RBFOX1: variants seen among roughly 807,000 people sequenced by gnomAD.
RBFOX1 encodes the protein RNA binding fox-1 homolog 1, also known as RNA binding protein fox-1 homolog 1.
In RBFOX1, 8 loss-of-function variants were observed where a neutral mutation model predicts 57.7. That is an observed-to-expected ratio of 0.14 (90% CI 0.08 to 0.25). The LOEUF is 0.25. Ranked by LOEUF, RBFOX1 falls within the 10% of genes least tolerant of loss-of-function variation. RBFOX1 has a pLI of 1.00. For missense variants in RBFOX1, 611 were observed against 548.5 expected, an observed-to-expected ratio of 1.11 and a Z score of -1.14; for synonymous variants, 326 against 222.4, an observed-to-expected ratio of 1.47 and a Z score of -4.15.
chr16:7,157,808 T>TG (rs955704750), intron 4 of RBFOX1, among the ~76,000 whole-genome samples: 2 of 152,192 alleles, frequency 1.3e-5, no homozygotes, highest in African/African-American at 4.8e-5. Context: ...GTTTTCCCTT[T>TG]GGTTTTAAAG....
chr16:5,970,624 G>C (rs1375956625), intron 4 of RBFOX1, among the ~76,000 whole-genome samples: 1 of 152,156 alleles, frequency 6.6e-6, no homozygotes, highest in African/African-American at 2.4e-5. Context: ...GGCCGACCAA[G>C]TCAAATTAGC....
In RBFOX1 at chr16:7,440,763, A is replaced by G. The variant is rs373977866; in HGVS notation, c.28-77384A>G. 2.8e-3 allele frequency among the ~76,000 whole-genome samples: 425 copies of G among 152,260 alleles called. 3 individuals carry two copies. Among genetic ancestry groups the G allele is most frequent in the African/African-American group, 9.8e-3 (409 of 41,568 alleles). On this transcript the variant is annotated intron_variant, in intron 4 of 15. Coordinates refer to ENST00000550418, the MANE Select transcript of RBFOX1 (RefSeq NM_018723.4). The stretch of plus-strand genomic sequence containing the variant: ...AAGGAAATGAAACCCAGGGCTTTGC[A>G]TCTTCCTCTTCAACTTCATCCCTTC...
chr16:6,314,188 G>C (rs903590669), intron 1 of RBFOX1, among the ~76,000 whole-genome samples: 2 of 152,152 alleles, frequency 1.3e-5, no homozygotes, highest in South Asian at 2.1e-4. Context: ...GTCCTTTCTT[G>C]GTGCTGTAAC....
intron 2 of RBFOX1, among the ~76,000 whole-genome samples, chr16:6,647,208 C>G (rs1211333818): frequency 2.0e-5 from 3 of 152,102 alleles, no homozygotes; most frequent in Non-Finnish European, 4.4e-5. Flanking sequence ...AGTGAGCTCT[C>G]TGGTGTCTCT....
At chr16:6,052,976 T>A (rs1363815748) in intron 1 of RBFOX1, among the ~76,000 whole-genome samples, 1 of 152,110 alleles carries the variant, frequency 6.6e-6, no homozygotes. Context: ...GTAATAATGT[T>A]TGCAGTGGTA....
intron 3 of RBFOX1, among the ~76,000 whole-genome samples, chr16:5,725,856 C>T (rs557482992): frequency 6.2e-4 from 95 of 152,010 alleles, no homozygotes; most frequent in African/African-American, 2.2e-3. Flanking sequence ...TTGGCACTGG[C>T]ATGAGGAGGC....
intron 10 of RBFOX1, among the ~76,000 whole-genome samples, chr16:7,617,524 T>C (rs1432227104): frequency 1.3e-5 from 2 of 152,164 alleles, no homozygotes; most frequent in African/African-American, 4.8e-5. Context: ...TTTGGTTTTT[T>C]AAATTGCACA....
chr16:6,167,853 C>A (rs1221510243), intron 1 of RBFOX1, among the ~76,000 whole-genome samples: 2 of 152,134 alleles, frequency 1.3e-5, no homozygotes, highest in Non-Finnish European at 2.9e-5. Context: ...GCTCCAAGCA[C>A]TGCTCCGGGA....
intron 4 of RBFOX1, among the ~76,000 whole-genome samples, chr16:5,984,982 T>A (rs868332399): frequency 8.3e-3 from 947 of 114,728 alleles, no homozygotes; most frequent in East Asian, 0.042. Context: ...ATATATTTTT[T>A]TTTTTTTTTT....
intron 3 of RBFOX1, among the ~76,000 whole-genome samples, chr16:6,961,691 G>T (rs2083048834): frequency 6.6e-6 from 1 of 152,156 alleles, no homozygotes; most frequent in Admixed American, 6.5e-5. Flanking sequence ...GACTTCCTCT[G>T]GAGGTGAGGT....
At chr16:5,670,094 C>T (rs1208152049) in intron 3 of RBFOX1, among the ~76,000 whole-genome samples, 1 of 152,086 alleles carries the variant, frequency 6.6e-6, no homozygotes, top group African/African-American at 2.4e-5. Flanking sequence ...AGGTCACAGA[C>T]CTTAGGATTC....
At chr16:5,939,974 CCT>C (rs1275352575) in intron 4 of RBFOX1, among the ~76,000 whole-genome samples, 1 of 152,130 alleles carries the variant, frequency 6.6e-6, no homozygotes, top group Non-Finnish European at 1.5e-5. Context: ...GGTTATTTAC[CCT>C]CTCTGAGCTT....
At chr16:5,379,549 T>A (rs2066077387) in intron 1 of RBFOX1, among the ~76,000 whole-genome samples, 1 of 152,012 alleles carries the variant, frequency 6.6e-6, no homozygotes, top group Non-Finnish European at 1.5e-5. Flanking sequence ...AGCCTGGGAG[T>A]CAGGTGTCAG....
rs184531768 is a variant in RBFOX1 at position 5,585,297 on chromosome 16, C to T, written c.259-13605C>T. ...TTGGTAACTGGCTGCTTTTGTTTAGCATAATGTTTTCAATGTTCATCCCTG... is the reference window on the plus strand; with the variant it reads ...TTGGTAACTGGCTGCTTTTGTTTAGTATAATGTTTTCAATGTTCATCCCTG... On this transcript the variant is annotated intron_variant, in intron 2 of 2. Transcript: ENST00000585867. Among the ~76,000 whole-genome samples the T allele has an allele frequency of 3.3e-3, 500 of 152,182 alleles. 8 individuals are homozygous for T. Among genetic ancestry groups the T allele is most frequent in the Admixed American group, 0.031 (471 of 15,276 alleles).
chr16:7,578,911 C>T (rs184453753), intron 5 of RBFOX1, among the ~76,000 whole-genome samples: 9 of 152,246 alleles, frequency 5.9e-5, no homozygotes, highest in Admixed American at 2.6e-4. Flanking sequence ...GTCAATGTAA[C>T]GTCATGTTAT....
chr16:7,098,704 G>A (rs774632576), intron 4 of RBFOX1, among the ~76,000 whole-genome samples: 6 of 151,982 alleles, frequency 3.9e-5, no homozygotes, highest in Non-Finnish European at 8.8e-5. Context: ...AATCCTGGCA[G>A]TTTTGGAAAC....
At chr16:7,276,323 T>C (rs1175751330) in intron 4 of RBFOX1, among the ~76,000 whole-genome samples, 2 of 152,176 alleles carry the variant, frequency 1.3e-5, no homozygotes, top group African/African-American at 4.8e-5. Context: ...GTTTGAGTGA[T>C]GTCAGTCTGT....
At chr16:6,639,752 G>C (rs913996873) in intron 2 of RBFOX1, among the ~76,000 whole-genome samples, 1 of 152,088 alleles carries the variant, frequency 6.6e-6, no homozygotes, top group South Asian at 2.1e-4. Flanking sequence ...GGTGTTGGGC[G>C]CCTGTAGTCC....
chr16:7,253,194 G>C (rs779190718), intron 4 of RBFOX1, among the ~76,000 whole-genome samples: 19 of 152,272 alleles, frequency 1.2e-4, no homozygotes, highest in Non-Finnish European at 2.5e-4. Context: ...AAGAAGCAGA[G>C]ACCAAGACAA....
Sources: allele counts gnomAD v4.1 joint callset (sites outside exome capture counted in the v4.1 genomes callset), GRCh38; gene constraint gnomAD v4.1.1; transcripts MANE v1.5; gene names NCBI Gene and HGNC (gene_info 2026-07-23, HGNC 2026-07-21).